Variants in PCID2 observed in about 807,000 individuals in gnomAD.
PCID2 encodes PCI domain containing 2.
In PCID2, 41 loss-of-function variants were observed where a neutral mutation model predicts 61.3. The ratio of observed to expected loss-of-function variants is 0.67; its 90% CI spans 0.52 to 0.87. The LOEUF is 0.87. PCID2 is among the 40% of genes least tolerant of loss of function. PCID2 has a pLI of 0.00. For missense variants in PCID2, 392 were observed against 493.4 expected, an observed-to-expected ratio of 0.79 and a Z score of 1.95; for synonymous variants, 187 against 177.8, an observed-to-expected ratio of 1.05 and a Z score of -0.41.
chr13:113,180,210 G>A lies in PCID2; in HGVS notation c.808C>T (p.Leu270Phe). Residue 270 changes from leucine (L) to phenylalanine (F), a missense_variant, in exon 11 of 14, where the codon CTC becomes TTC. Physicochemically the swap from Leu to Phe is conservative, Grantham distance 22. Around this residue, in one of 3 missense-constraint regions of PCID2, gnomAD observed 226 missense variants for 296.5 expected, o/e 0.76. Coordinates refer to ENST00000337344, the MANE Select transcript of PCID2 (RefSeq NM_001127202.4). The stretch of plus-strand genomic sequence containing the variant: ...TGCATCAGGTGATACTTTTTCAGGA[G>A]CTCCACAGTGGGCATGTGACCCTAA... ...MLLGHMPTVE[L>F]LKKYHLMQFA... The A allele has an allele frequency of 6.2e-7, 1 of 1,613,400 alleles. No individual in the cohort carries two copies. The highest frequency in any genetic ancestry group is 8.5e-7 in the Non-Finnish European group (1 of 1,179,372).
In PCID2 at chr13:113,179,751, C is replaced by G. The variant is rs940228352; in HGVS notation, c.986+166G>C. Among the ~76,000 whole-genome samples the G allele has an allele frequency of 6.6e-6, 1 of 152,176 alleles. No individual in the cohort carries two copies. Among genetic ancestry groups the G allele is most frequent in the African/African-American group, 2.4e-5 (1 of 41,434 alleles). On this transcript the variant is annotated intron_variant, in intron 12 of 13. Coordinates refer to ENST00000337344, the MANE Select transcript of PCID2 (RefSeq NM_001127202.4). The surrounding 1 kb of genome is among the most constrained non-coding windows in gnomAD (Gnocchi z 4.3). ...GCTACTCACGTGTCTCGCGCAGGGT[C>G]CCCAGGAGGCAGTGGGCGGAGGCTT...
At position 113,180,195 on chromosome 13, in the gene PCID2, G is replaced by T. The variant is rs546330602; in HGVS notation, c.823C>A (p.His275Asn). Residue 275 changes from histidine (H) to asparagine (N), a missense_variant, in exon 11 of 14, where the codon CAC (histidine) becomes AAC (asparagine). Physicochemically the swap from His to Asn is moderately conservative, Grantham distance 68. Coordinates refer to ENST00000337344, the MANE Select transcript of PCID2 (RefSeq NM_001127202.4). Reference sequence around the variant, plus strand: ...GTTACTTCCGCAAACTGCATCAGGTGATACTTTTTCAGGAGCTCCACAGTG... The same window carrying T: ...GTTACTTCCGCAAACTGCATCAGGTTATACTTTTTCAGGAGCTCCACAGTG... The part of the protein sequence containing the change: ...MPTVELLKKY[H>N]LMQFAEVTRA... 210 of 1,613,884 alleles carry T rather than the reference G, an allele frequency of 1.3e-4. 2 individuals carry two copies. The South Asian group carries it at 2.2e-3, about 17-fold the overall frequency.
At chr13:113,204,596 G>A (rs3794421) in intron 1 of PCID2, among the ~76,000 whole-genome samples, 64 of 152,256 alleles carry the variant, frequency 4.2e-4, no homozygotes, top group East Asian at 3.5e-3. Flanking sequence ...AGTGTCCCAC[G>A]GGTGACCTGA....
At chr13:113,180,487 T>A (rs1049584167) in intron 10 of PCID2, among the ~76,000 whole-genome samples, 7 of 152,322 alleles carry the variant, frequency 4.6e-5, no homozygotes, top group Admixed American at 3.9e-4. Context: ...CGAATTTCTA[T>A]AACAGGAGAG....
At chr13:113,190,805 A>T (rs1037940919) in intron 7 of PCID2, 67 bp downstream of exon 7, 11 of 825,064 alleles carry the variant, frequency 1.3e-5, no homozygotes, top group Non-Finnish European at 2.2e-5. Context: ...CAGGCCAGAA[A>T]GGGTGAACGC....
At chr13:113,201,840 T>C (rs1240153916) in intron 1 of PCID2, among the ~76,000 whole-genome samples, 8 of 132,124 alleles carry the variant, frequency 6.1e-5, no homozygotes, top group Non-Finnish European at 1.2e-4. Flanking sequence ...AAAAAGGACA[T>C]AAAAATTCTA....
intron 8 of PCID2, 48 bp from the exon 9 acceptor site, chr13:113,184,535 A>G (rs2037926080): frequency 8.6e-7 from 1 of 1,157,300 alleles, no homozygotes; most frequent in Non-Finnish European, 1.3e-6. Context: ...CAACAAAAAC[A>G]GGTGGCAAAA....
chr13:113,184,749 C>A (rs1198889738), intron 8 of PCID2, among the ~76,000 whole-genome samples: 5 of 151,896 alleles, frequency 3.3e-5, no homozygotes, highest in Admixed American at 2.0e-4. Context: ...GGGGGCGCAG[C>A]CCTGCAGTGG....
rs1412383316 is a variant in PCID2, at chr13:113,177,904, A to AT, written c.*293_*294insA. On this transcript the variant is annotated 3_prime_UTR_variant, in exon 14 of 14. Coordinates refer to ENST00000337344, the MANE Select transcript of PCID2 (RefSeq NM_001127202.4). ...CAGCCTTCAGGAACCACACTTAGGAAAAGTGAGCCGAGCAGCCTTCACGCA... is the reference window on the plus strand; with the variant it reads ...CAGCCTTCAGGAACCACACTTAGGAATAAGTGAGCCGAGCAGCCTTCACGCA... The AT allele has an allele frequency of 4.3e-6, 1 of 233,318 alleles. No homozygotes were observed. The highest frequency in any genetic ancestry group is 8.6e-6 in the Non-Finnish European group (1 of 116,780). The allele number at this position is 233,318 out of a possible 1,614,324, so 14.5% of individuals were successfully genotyped here.
Position 113,179,788 on chromosome 13 carries a change from A to C in PCID2, c.986+129T>G. 1.1e-6 allele frequency: 1 copy of C among 911,274 alleles called. No individual in the cohort carries two copies. The allele number at this position is 911,274 out of a possible 1,614,324, so 56.4% of individuals were successfully genotyped here. A position where few individuals can be genotyped will look rare whatever the true frequency, so the allele number is the denominator to read the frequency against. On this transcript the variant is annotated intron_variant, in intron 12 of 13. Transcript: ENST00000337344. This position sits in a 1 kb window ranked among gnomAD's most constrained non-coding sequence, Gnocchi z 4.3. The stretch of plus-strand genomic sequence containing the variant: ...GTGGGCGGAGGCTTCATTTTATCCC[A>C]CACAATGGAAGGAAGATAACGACCC...
intron 7 of PCID2, chr13:113,186,752 A>T (rs1257710230): frequency 6.6e-6 from 1 of 152,018 alleles, no homozygotes; most frequent in African/African-American, 2.4e-5. Flanking sequence ...GCAGCCTAGG[A>T]CCCACAGGCT....
chr13:113,170,603 A>C, the PCID2 span: 1 of 952,458 alleles, frequency 1.0e-6, no homozygotes, highest in Admixed American at 1.7e-5. Context: ...TGAAATGACA[A>C]ATTTAAAACT....
intron 1 of PCID2, 72 bp from the exon 2 acceptor site, chr13:113,200,588 C>A (rs2039346656): frequency 2.1e-6 from 2 of 953,872 alleles, no homozygotes; most frequent in Non-Finnish European, 3.4e-6. Context: ...CAACAATACA[C>A]TGAATGCCAC....
At chr13:113,189,723 A>AAC (rs1000792751) in intron 7 of PCID2, among the ~76,000 whole-genome samples, 2 of 151,192 alleles carry the variant, frequency 1.3e-5, no homozygotes, top group African/African-American at 4.9e-5. Context: ...GGAGAGGAAA[A>AAC]AAAAAAAAAA....
At chr13:113,177,004 C>T (rs983314848), downstream of PCID2, among the ~76,000 whole-genome samples, 2 of 152,194 alleles carry the variant, frequency 1.3e-5, no homozygotes, top group South Asian at 2.1e-4. Context: ...CCCAACTTAG[C>T]GACTGTCAAC....
chr13:113,183,854 G>A, intron 9 of PCID2: 1 of 985,444 alleles, frequency 1.0e-6, no homozygotes, highest in Non-Finnish European at 1.2e-6. Flanking sequence ...TTAAACAGGA[G>A]CTCTGTGGTA....
chr13:113,208,610 A>G lies in PCID2; in HGVS notation c.25T>C (p.Tyr9His). The change falls in exon 1 of 14, where the codon TAC becomes CAC. Residue 9 changes from tyrosine to histidine, a missense_variant. Tyr to His is a moderately conservative substitution (Grantham distance 83). Transcript: ENST00000337344. MAHITINQYLQQVYEAIDS... is the reference protein window; with the variant it reads MAHITINQHLQQVYEAIDS... ...CGGCTAGGACCCACCTGCTGCAGGT[A>G]CTGGTTAATGGTAATGTGCGCCATG... 1 of 1,606,134 alleles carries G rather than the reference A, an allele frequency of 6.2e-7. No homozygotes were observed. The highest frequency in any genetic ancestry group is 8.5e-7 in the Non-Finnish European group (1 of 1,176,646).
downstream of PCID2, among the ~76,000 whole-genome samples, chr13:113,173,762 T>C (rs761025191): frequency 6.6e-6 from 1 of 152,178 alleles, no homozygotes; most frequent in Non-Finnish European, 1.5e-5. Flanking sequence ...GTTGTATTAT[T>C]CTCAAACTAC....
rs1176939586 is a variant in PCID2, at chr13:113,177,578, T to G, written c.*620A>C. On this transcript the variant is annotated 3_prime_UTR_variant, in exon 14 of 14. Transcript: ENST00000337344. ...TAAATGTATTTTCAATTTAAGATGG[T>G]TTTTTAAAAGAAATTTTTTTTTAAC... 1 of 152,196 alleles carries G rather than the reference T, an allele frequency of 6.6e-6. No individual in the cohort carries two copies. The highest frequency in any genetic ancestry group is 2.4e-5 in the African/African-American group (1 of 41,442). 9.4% of individuals were successfully genotyped at this position (152,196 alleles called of 1,614,324 possible). A position where few individuals can be genotyped will look rare whatever the true frequency, so the allele number is the denominator to read the frequency against.
Sources: gnomAD v4.1 joint callset for allele counts (sites outside exome capture counted in the v4.1 genomes callset) on GRCh38, gnomAD v4.1.1 for gene constraint, gnomAD v4.1.1 regional missense constraint, Gnocchi (gnomAD v3.1) non-coding constraint, MANE v1.5 for transcripts, NCBI Gene and HGNC (gene_info 2026-07-23, HGNC 2026-07-21) for gene names.